Variants in DYNC1I1 observed in about 807,000 individuals in gnomAD.
DYNC1I1 encodes the protein dynein cytoplasmic 1 intermediate chain 1.
DYNC1I1 carries 43 observed loss-of-function variants against 86.6 expected under a neutral mutation model. The ratio of observed to expected loss-of-function variants is 0.50; its 90% confidence interval spans 0.39 to 0.64. The LOEUF (loss-of-function observed/expected upper bound fraction) is 0.64. DYNC1I1 is among the 30% of genes least tolerant of loss of function. DYNC1I1 has a pLI of 0.00. For missense variants in DYNC1I1, 604 were observed against 788.8 expected (o/e 0.77, Z 2.81); for synonymous variants, 262 against 283.7 (o/e 0.92, Z 0.77).
At chr7:95,812,019 C>G (rs1922333) in intron 3 of DYNC1I1, among the ~76,000 whole-genome samples, 98,307 of 152,088 alleles carry the variant, frequency 0.65, 32,585 homozygotes, top group African/African-American at 0.79. Context: ...TTACTGCCAA[C>G]GGACTCTGGC....
downstream of DYNC1I1, among the ~76,000 whole-genome samples, chr7:96,103,358 A>G (rs1791164980): frequency 6.6e-6 from 1 of 152,194 alleles, no homozygotes; most frequent in Admixed American, 6.5e-5. Context: ...GTGTGAAAGA[A>G]GAGATGGCCA....
At chr7:95,788,098 C>G (rs1293919612) in intron 1 of DYNC1I1, among the ~76,000 whole-genome samples, 2 of 152,052 alleles carry the variant, frequency 1.3e-5, no homozygotes, top group African/African-American at 2.4e-5. Flanking sequence ...GGCTTTTACT[C>G]TGAAATGGGA....
At chr7:96,062,431 C>CT (rs397840634) in intron 14 of DYNC1I1, among the ~76,000 whole-genome samples, 2,622 of 145,544 alleles carry the variant, frequency 0.018, 37 homozygotes, top group Non-Finnish European at 0.026. Flanking sequence ...TTGTTTTTTT[C>CT]TTTTTTTTTT....
chr7:96,007,172 G>A (rs1174432058), intron 10 of DYNC1I1, among the ~76,000 whole-genome samples: 1 of 152,048 alleles, frequency 6.6e-6, no homozygotes, highest in East Asian at 1.9e-4. Context: ...AATTTCACTA[G>A]TTAGCTAGTA....
In DYNC1I1 at chr7:96,040,716, G is replaced by GTT. The variant is rs61104103; in HGVS notation, c.1509+1308_1509+1309dup. On this transcript the variant is annotated intron_variant, in intron 14 of 16. Transcript: ENST00000447467. ...TAGCAGTGATCTTCACAAATGAGTA[G>GTT]TTTTTTTTTTTTTTCTTTTTTTTGA... Among the ~76,000 whole-genome samples, 756 of 144,806 alleles carry GTT rather than the reference G, an allele frequency of 5.2e-3. 4 individuals are homozygous for GTT. The highest frequency in any genetic ancestry group is 0.014 in the Middle Eastern group (4 of 284). 95.0% of individuals were successfully genotyped at this position (144,806 alleles called of 152,430 possible).
intron 7 of DYNC1I1, 73 bp from the exon 8 acceptor site, chr7:95,984,742 T>C (rs1293303531): frequency 6.9e-7 from 1 of 1,439,702 alleles, no homozygotes; most frequent in Non-Finnish European, 9.2e-7. Flanking sequence ...AGAATTGGGT[T>C]CCTCTTGATA....
At chr7:95,920,368 G>A (rs923631078) in intron 6 of DYNC1I1, among the ~76,000 whole-genome samples, 1 of 152,132 alleles carries the variant, frequency 6.6e-6, no homozygotes, top group East Asian at 1.9e-4. Context: ...TCAAAAACAA[G>A]GAATGTCTAG....
intron 5 of DYNC1I1, among the ~76,000 whole-genome samples, chr7:95,862,484 C>T (rs996756085): frequency 6.6e-5 from 10 of 152,108 alleles, no homozygotes; most frequent in South Asian, 2.1e-4. Flanking sequence ...CAGAGAAACA[C>T]GAATCAAAAC....
At chr7:96,100,398 T>TC, downstream of DYNC1I1, among the ~76,000 whole-genome samples, 1 of 151,672 alleles carries the variant, frequency 6.6e-6, no homozygotes, top group Non-Finnish European at 1.5e-5. Context: ...CTTCTTTCCT[T>TC]CTTCTCCTCC....
chr7:95,838,887 T>G (rs543760103), intron 5 of DYNC1I1, among the ~76,000 whole-genome samples: 1 of 152,340 alleles, frequency 6.6e-6, no homozygotes, highest in East Asian at 1.9e-4. Context: ...TCTATAAAGT[T>G]TCCTACGTAC....
chr7:95,774,611 C>G (rs1421572863), intron 1 of DYNC1I1, among the ~76,000 whole-genome samples: 1 of 152,184 alleles, frequency 6.6e-6, no homozygotes, highest in East Asian at 1.9e-4. Flanking sequence ...AGTCACTTGG[C>G]ATTTCAGTCA....
intron 10 of DYNC1I1, among the ~76,000 whole-genome samples, chr7:96,013,622 CTAATTTTTGTATTTTTTG>C: frequency 6.6e-6 from 1 of 152,104 alleles, no homozygotes; most frequent in East Asian, 1.9e-4. Context: ...CCACGCCTGG[CTAATTTTTGTATTTTTTG>C]TAGGGACAGG....
At chr7:95,902,178 G>C (rs1424597228) in intron 6 of DYNC1I1, among the ~76,000 whole-genome samples, 1 of 152,128 alleles carries the variant, frequency 6.6e-6, no homozygotes, top group African/African-American at 2.4e-5. Flanking sequence ...ATTGTTTTTG[G>C]TATATGAGCC....
chr7:95,967,091 T>C (rs1793035318), intron 6 of DYNC1I1, among the ~76,000 whole-genome samples: 1 of 152,154 alleles, frequency 6.6e-6, no homozygotes, highest in Non-Finnish European at 1.5e-5. Context: ...GACACCCACA[T>C]TGGGGCATAC....
intron 14 of DYNC1I1, among the ~76,000 whole-genome samples, chr7:96,046,949 T>C (rs779470537): frequency 1.3e-5 from 2 of 152,164 alleles, no homozygotes; most frequent in Non-Finnish European, 2.9e-5. Flanking sequence ...TTTGTCTTAG[T>C]CCATTCAGGG....
chr7:95,867,173 T>G (rs1272133883), intron 5 of DYNC1I1, among the ~76,000 whole-genome samples: 1 of 152,200 alleles, frequency 6.6e-6, no homozygotes, highest in Non-Finnish European at 1.5e-5. Flanking sequence ...CTCTACTATC[T>G]TAAGGAATCT....
chr7:95,773,409 C>T (rs1208741007), intron 1 of DYNC1I1, among the ~76,000 whole-genome samples: 1 of 152,154 alleles, frequency 6.6e-6, no homozygotes, highest in Non-Finnish European at 1.5e-5. Flanking sequence ...TTCCCCCGCT[C>T]CCATTCGGAA....
chr7:95,931,245 G>A lies in DYNC1I1; in HGVS notation c.491-46267G>A, dbSNP rs1791887452. Among the ~76,000 whole-genome samples, 5 of 151,612 alleles carry A rather than the reference G, an allele frequency of 3.3e-5. No homozygotes were observed. The South Asian group carries it at 1.0e-3, about 31-fold the overall frequency. On this transcript the variant is annotated intron_variant, in intron 6 of 16. Transcript: ENST00000447467. ...ACTGCAACTTCCATTCCACCTCCCA[G>A]TTCAAGCAATTCTGGTGTCTCAGCC...
At chr7:95,971,560 T>C (rs901693097) in intron 6 of DYNC1I1, among the ~76,000 whole-genome samples, 5 of 152,180 alleles carry the variant, frequency 3.3e-5, no homozygotes, top group African/African-American at 7.2e-5. Flanking sequence ...TCTCCAATAA[T>C]AGTATACTAG....
Sources: allele counts gnomAD v4.1 joint callset (sites outside exome capture counted in the v4.1 genomes callset), GRCh38; gene constraint gnomAD v4.1.1; transcripts MANE v1.5; gene names NCBI Gene and HGNC (gene_info 2026-07-23, HGNC 2026-07-21).